CNTNAP2: variants seen among roughly 807,000 people sequenced by gnomAD.
CNTNAP2 encodes the protein contactin associated protein 2, also known as contactin-associated protein-like 2.
CNTNAP2 carries 98 observed loss-of-function variants against 155.2 expected under a neutral mutation model. That is an observed-to-expected ratio of 0.63 (90% CI 0.54 to 0.75). The LOEUF (loss-of-function observed/expected upper bound fraction) is 0.75, where lower values mean the gene tolerates loss of function less well. Among genes scored for constraint, CNTNAP2 ranks in the 30% least tolerant of loss-of-function variants. The pLI is 0.00. For missense variants in CNTNAP2, 1,727 were observed against 1,688.1 expected (o/e 1.02, Z -0.40); for synonymous variants, 651 against 631.2 (o/e 1.03, Z -0.47).
At chr7:146,222,629 G>A (rs1051291035) in intron 1 of CNTNAP2, among the ~76,000 whole-genome samples, 1 of 149,290 alleles carries the variant, frequency 6.7e-6, no homozygotes, top group Non-Finnish European at 1.5e-5. Flanking sequence ...TGGATGTATA[G>A]AACATAGGGT....
chr7:147,087,596 C>G (rs1450983101), intron 4 of CNTNAP2, among the ~76,000 whole-genome samples: 1 of 152,148 alleles, frequency 6.6e-6, no homozygotes, highest in Non-Finnish European at 1.5e-5. Flanking sequence ...ACTACAGAAA[C>G]AGCATTTTAT....
At chr7:147,732,181 T>TC (rs199519152) in intron 13 of CNTNAP2, among the ~76,000 whole-genome samples, 64,593 of 108,752 alleles carry the variant, frequency 0.59, 16,634 homozygotes, top group East Asian at 0.82. Flanking sequence ...ATGCTATCCC[T>TC]CCCCCCCCCA....
intron 1 of CNTNAP2, among the ~76,000 whole-genome samples, chr7:146,448,415 T>G (rs993664318): frequency 6.6e-6 from 1 of 151,934 alleles, no homozygotes; most frequent in Non-Finnish European, 1.5e-5. Context: ...CTTTTTAAAG[T>G]TATTTTTATT....
rs1422962226 is a variant in CNTNAP2, at chr7:146,133,797, T to G, written c.97+16824T>G. On this transcript the variant is annotated intron_variant, in intron 1 of 23. Transcript: ENST00000361727. ...TATCTCTGTTTTGGTACCAGTACCATGCTGTTTTGGTTACTGTAGCCTTGT... is the reference window on the plus strand; with the variant it reads ...TATCTCTGTTTTGGTACCAGTACCAGGCTGTTTTGGTTACTGTAGCCTTGT... 3.9e-5 allele frequency among the ~76,000 whole-genome samples: 6 copies of G among 152,338 alleles called. 1 individual carries two copies. In the South Asian group the frequency reaches 1.2e-3, roughly 32 times the overall value.
At chr7:146,645,818 T>C (rs1442524535) in intron 1 of CNTNAP2, among the ~76,000 whole-genome samples, 1 of 151,900 alleles carries the variant, frequency 6.6e-6, no homozygotes, top group African/African-American at 2.4e-5. Flanking sequence ...TTTATGTGGG[T>C]GTTTGTGGTT....
At chr7:146,730,191 T>A (rs1480047946) in intron 1 of CNTNAP2, among the ~76,000 whole-genome samples, 1 of 152,126 alleles carries the variant, frequency 6.6e-6, no homozygotes, top group Non-Finnish European at 1.5e-5. Flanking sequence ...AAATAATATA[T>A]CTAACATTTA....
intron 1 of CNTNAP2, among the ~76,000 whole-genome samples, chr7:146,230,763 C>A (rs1049553662): frequency 1.3e-5 from 2 of 152,144 alleles, no homozygotes; most frequent in African/African-American, 4.8e-5. Flanking sequence ...TGCCTGTAAT[C>A]CCAACACTTT....
At chr7:147,253,171 TG>T (rs1261016516) in intron 8 of CNTNAP2, among the ~76,000 whole-genome samples, 5 of 152,172 alleles carry the variant, frequency 3.3e-5, no homozygotes, top group African/African-American at 1.2e-4. Flanking sequence ...TTCTGATGCT[TG>T]TACATTTCTG....
chr7:147,087,259 A>T (rs1013539192), intron 4 of CNTNAP2, among the ~76,000 whole-genome samples: 1 of 152,178 alleles, frequency 6.6e-6, no homozygotes, highest in Non-Finnish European at 1.5e-5. Context: ...GGATTATGTT[A>T]TCAGATTCTT....
intron 1 of CNTNAP2, among the ~76,000 whole-genome samples, chr7:146,339,505 A>T (rs183802109): frequency 6.6e-6 from 1 of 152,196 alleles, no homozygotes; most frequent in Non-Finnish European, 1.5e-5. Flanking sequence ...TGAATCTTTG[A>T]TAATAGTTAC....
chr7:146,393,686 T>G (rs1386283911), intron 1 of CNTNAP2, among the ~76,000 whole-genome samples: 1 of 152,210 alleles, frequency 6.6e-6, no homozygotes, highest in Non-Finnish European at 1.5e-5. Context: ...TCTCGATACT[T>G]GCTTAATTCT....
At chr7:146,733,399 G>A (rs766324530) in intron 1 of CNTNAP2, among the ~76,000 whole-genome samples, 2 of 151,294 alleles carry the variant, frequency 1.3e-5, no homozygotes, top group Non-Finnish European at 3.0e-5. Flanking sequence ...TATTTATAGT[G>A]TTTTATAATT....
intron 2 of CNTNAP2, among the ~76,000 whole-genome samples, chr7:146,833,676 C>G (rs928352319): frequency 6.6e-6 from 1 of 152,128 alleles, no homozygotes; most frequent in Non-Finnish European, 1.5e-5. Context: ...ACCAGGTTAG[C>G]CGAGGGCCAG....
At chr7:146,474,571 ACT>A (rs1265920611) in intron 1 of CNTNAP2, among the ~76,000 whole-genome samples, 1 of 151,848 alleles carries the variant, frequency 6.6e-6, no homozygotes, top group African/African-American at 2.4e-5. Flanking sequence ...TATATACAAT[ACT>A]CTGTTATTGC....
chr7:146,476,240 G>C (rs979284320), intron 1 of CNTNAP2, among the ~76,000 whole-genome samples: 1 of 151,962 alleles, frequency 6.6e-6, no homozygotes, highest in Non-Finnish European at 1.5e-5. Flanking sequence ...TTTAGAGTAG[G>C]TTGTCAATGT....
chr7:147,392,031 G>C (rs1796727506), intron 9 of CNTNAP2, among the ~76,000 whole-genome samples: 2 of 152,074 alleles, frequency 1.3e-5, no homozygotes, highest in African/African-American at 4.8e-5. Context: ...ACTCTACCTG[G>C]AAATGTCCTT....
chr7:146,222,578 G>A (rs991208183), intron 1 of CNTNAP2, among the ~76,000 whole-genome samples: 40 of 149,640 alleles, frequency 2.7e-4, no homozygotes, highest in Admixed American at 9.4e-4. Flanking sequence ...GTGTGTGTGC[G>A]TGCACATGTA....
chr7:148,282,331 A>G (rs12154958), intron 21 of CNTNAP2, among the ~76,000 whole-genome samples: 103,928 of 152,132 alleles, frequency 0.68, 35,943 homozygotes, highest in South Asian at 0.81. Context: ...GTCAGGCTCA[A>G]TACAGGCTCT....
At chr7:147,117,203 C>T (rs1407592278) in intron 5 of CNTNAP2, among the ~76,000 whole-genome samples, 2 of 152,134 alleles carry the variant, frequency 1.3e-5, no homozygotes, top group Non-Finnish European at 2.9e-5. Context: ...GTTTGTAAAG[C>T]TCCACCCTGT....
Sources: gnomAD v4.1 joint callset for allele counts (sites outside exome capture counted in the v4.1 genomes callset) on GRCh38, gnomAD v4.1.1 for gene constraint, MANE v1.5 for transcripts, NCBI Gene and HGNC (gene_info 2026-07-23, HGNC 2026-07-21) for gene names.